Variants in MLLT10 observed in about 807,000 individuals in gnomAD.
MLLT10 encodes the protein protein AF-10.
A neutral mutation model predicts 129.1 loss-of-function variants in MLLT10; 30 were observed. The observed-to-expected ratio is 0.23, with a 90% confidence interval of 0.17 to 0.32. MLLT10 has a LOEUF of 0.32. MLLT10 is among the 10% of genes least tolerant of loss of function. The pLI is 1.00. For missense variants in MLLT10, 1,119 were observed against 1,268.3 expected, an observed-to-expected ratio of 0.88 and a Z score of 1.79; for synonymous variants, 490 against 446.4, an observed-to-expected ratio of 1.10 and a Z score of -1.23.
chr10:21,717,605 CTCT>C (rs1305583210), intron 14 of MLLT10, among the ~76,000 whole-genome samples: 1 of 120,206 alleles, frequency 8.3e-6, no homozygotes, highest in African/African-American at 3.1e-5. Flanking sequence ...TTCTTTCTTC[CTCT>C]TCTTCCTCCT....
At chr10:21,669,413 T>G (rs1181728206) in intron 9 of MLLT10, among the ~76,000 whole-genome samples, 1 of 152,156 alleles carries the variant, frequency 6.6e-6, no homozygotes, top group African/African-American at 2.4e-5. Context: ...CATCTGATTG[T>G]TTGTGTTGAG....
Position 21,577,320 on chromosome 10 carries a change from A to G in MLLT10, c.241-8974A>G, listed in dbSNP as rs542459414. 3.9e-5 allele frequency among the ~76,000 whole-genome samples: 6 copies of G among 152,326 alleles called. 1 individual carries two copies. Among genetic ancestry groups the G allele is most frequent in the African/African-American group, 1.4e-4 (6 of 41,582 alleles). ...TTGCAATGTTATGAATAACGTTATT[A>G]TGAACATTTGTCTGCAAATCCAGAC... On this transcript the variant is annotated intron_variant, in intron 3 of 22. Transcript: ENST00000307729.
intron 5 of MLLT10, among the ~76,000 whole-genome samples, chr10:21,604,133 G>C (rs2043830844): frequency 6.6e-6 from 1 of 152,090 alleles, no homozygotes; most frequent in African/African-American, 2.4e-5. Context: ...TACAAAATAG[G>C]TGTGCTGTAT....
intron 8 of MLLT10, among the ~76,000 whole-genome samples, chr10:21,627,207 C>G (rs932035185): frequency 6.6e-6 from 1 of 152,146 alleles, no homozygotes. Context: ...CTCTCTCACT[C>G]TCTTTCTCCT....
chr10:21,685,334 G>A (rs2053191224), intron 13 of MLLT10, among the ~76,000 whole-genome samples: 1 of 152,040 alleles, frequency 6.6e-6, no homozygotes, highest in South Asian at 2.1e-4. Context: ...ACCAAGGAAA[G>A]ATGATTATTA....
chr10:21,669,183 T>A, intron 9 of MLLT10: 1 of 839,482 alleles, frequency 1.2e-6, no homozygotes, highest in Non-Finnish European at 1.6e-6. Context: ...GTGGAGTACT[T>A]TGTTTTTATG....
rs117959182 is a variant in MLLT10, at chr10:21,664,737, G to A, written c.796-5712G>A. ...GTTCTGTCAGTTATTGTGAGCGGTG[G>A]GTATTAGGTGCAGAAACAATTAGGA... On this transcript the variant is annotated intron_variant, in intron 9 of 22. Coordinates refer to ENST00000307729, the MANE Select transcript of MLLT10 (RefSeq NM_001195626.3). Among the ~76,000 whole-genome samples the A allele has an allele frequency of 3.9e-3, 587 of 151,940 alleles. 2 individuals carry two copies. The highest frequency in any genetic ancestry group is 6.1e-3 in the Non-Finnish European group (415 of 67,966).
intron 3 of MLLT10, among the ~76,000 whole-genome samples, chr10:21,554,785 G>T (rs1460820151): frequency 1.3e-5 from 2 of 149,966 alleles, no homozygotes; most frequent in African/African-American, 4.9e-5. Flanking sequence ...TTTCAAGATG[G>T]TTATACTAAT....
intron 3 of MLLT10, among the ~76,000 whole-genome samples, chr10:21,547,812 T>TA (rs1039117424): frequency 2.9e-4 from 44 of 152,244 alleles, no homozygotes; most frequent in African/African-American, 9.4e-4. Context: ...GTGCTGGTAT[T>TA]ACAGGCGTGA....
chr10:21,670,949 T>A (rs2051333629), intron 10 of MLLT10: 1 of 409,450 alleles, frequency 2.4e-6, no homozygotes, highest in Non-Finnish European at 4.3e-6. Flanking sequence ...TTTTAATGTT[T>A]AACTAGATAT....
chr10:21,584,820 A>G (rs938593928), intron 3 of MLLT10, among the ~76,000 whole-genome samples: 1 of 151,808 alleles, frequency 6.6e-6, no homozygotes, highest in Non-Finnish European at 1.5e-5. Context: ...ATATACACAT[A>G]CATATGTATG....
intron 3 of MLLT10, among the ~76,000 whole-genome samples, chr10:21,546,548 G>A (rs1474342361): frequency 2.7e-5 from 4 of 150,626 alleles, no homozygotes; most frequent in African/African-American, 7.3e-5. Context: ...GAGACTGCAG[G>A]CACGCCCCAC....
At chr10:21,594,052 T>G (rs1455553999) in intron 4 of MLLT10, among the ~76,000 whole-genome samples, 1 of 151,710 alleles carries the variant, frequency 6.6e-6, no homozygotes, top group Non-Finnish European at 1.5e-5. Context: ...GGTTGTAATT[T>G]AGGATTACCT....
rs569593473 is a variant in MLLT10, at chr10:21,650,214, G to A, written c.700-1459G>A. Among the ~76,000 whole-genome samples, 28 of 152,182 alleles carry A rather than the reference G, an allele frequency of 1.8e-4. 1 individual carries two copies. In the South Asian group the frequency reaches 4.4e-3, roughly 24 times the overall value. On this transcript the variant is annotated intron_variant, in intron 8 of 22. Transcript: ENST00000307729. ...ATACATATAAAAAAAAGCCTTGTGTGGTGGCATGTGCCTATAGTCCTGACT... is the reference window on the plus strand; with the variant it reads ...ATACATATAAAAAAAAGCCTTGTGTAGTGGCATGTGCCTATAGTCCTGACT...
intron 5 of MLLT10, among the ~76,000 whole-genome samples, chr10:21,610,984 C>CTTTTTTTTTTTTTTTTTTT (rs71393913): frequency 9.7e-6 from 1 of 102,886 alleles, no homozygotes; most frequent in Non-Finnish European, 1.9e-5. Context: ...TCTTTTTTCT[C>CTTTTTTTTTTTTTTTTTTT]TTTTTTTTTT....
chr10:21,581,230 G>C (rs2041418528), intron 3 of MLLT10, among the ~76,000 whole-genome samples: 2 of 151,382 alleles, frequency 1.3e-5, no homozygotes, highest in Non-Finnish European at 2.9e-5. Flanking sequence ...TGTACTTTTA[G>C]TAGAGACGGG....
At chr10:21,699,889 A>G (rs1015881363) in intron 13 of MLLT10, among the ~76,000 whole-genome samples, 3 of 152,120 alleles carry the variant, frequency 2.0e-5, no homozygotes, top group African/African-American at 7.2e-5. Context: ...AAATGTTAGA[A>G]TTGTTTTTTC....
chr10:21,635,813 G>A (rs1214849696), intron 8 of MLLT10, among the ~76,000 whole-genome samples: 5 of 149,688 alleles, frequency 3.3e-5, no homozygotes, highest in Admixed American at 1.3e-4. Context: ...TGCCACCTCC[G>A]CCTCCCGGGT....
intron 13 of MLLT10, among the ~76,000 whole-genome samples, chr10:21,696,732 G>A (rs528513090): frequency 4.5e-4 from 68 of 151,826 alleles, no homozygotes; most frequent in Non-Finnish European, 7.8e-4. Flanking sequence ...GAAATTCCTC[G>A]AGCCGCTGCT....
Sources: allele counts gnomAD v4.1 joint callset (sites outside exome capture counted in the v4.1 genomes callset), GRCh38; gene constraint gnomAD v4.1.1; transcripts MANE v1.5; gene names NCBI Gene and HGNC (gene_info 2026-07-23, HGNC 2026-07-21).